The following DGKB variants were observed in gnomAD, a reference collection of about 807,000 sequenced individuals.
The protein encoded by DGKB is diacylglycerol kinase beta.
DGKB carries 67 observed loss-of-function variants against 114.3 expected under a neutral mutation model. The observed-to-expected ratio is 0.59, with a 90% confidence interval of 0.48 to 0.72. The LOEUF (loss-of-function observed/expected upper bound fraction) is 0.72, where lower values mean the gene tolerates loss of function less well. Ranked by LOEUF, DGKB falls within the 30% of genes least tolerant of loss-of-function variation. The pLI is 0.00. For missense variants in DGKB, 907 were observed against 975.2 expected, an observed-to-expected ratio of 0.93 and a Z score of 0.93; for synonymous variants, 398 against 323.1, an observed-to-expected ratio of 1.23 and a Z score of -2.49.
rs552459703 is a variant in DGKB at position 14,690,636 on chromosome 7, G to T, written c.711+3439C>A. 2.7e-4 allele frequency among the ~76,000 whole-genome samples: 41 copies of T among 152,270 alleles called. No homozygotes were observed. The South Asian group carries it at 6.0e-3, about 22-fold the overall frequency. ...TGTGGTTCATTTACATAATTTCTGC[G>T]ATTGCATTTGTGCTGGAACAGCAGA... On this transcript the variant is annotated intron_variant, in intron 9 of 25. Coordinates refer to ENST00000402815, the MANE Select transcript of DGKB (RefSeq NM_001350709.2).
chr7:14,854,038 C>A (rs1849770252), intron 1 of DGKB, among the ~76,000 whole-genome samples: 1 of 152,142 alleles, frequency 6.6e-6, no homozygotes, highest in South Asian at 2.1e-4. Flanking sequence ...CCCTTTATTT[C>A]ATTATCTGCG....
intron 13 of DGKB, among the ~76,000 whole-genome samples, chr7:14,639,713 T>C (rs770273424): frequency 1.3e-5 from 2 of 152,222 alleles, no homozygotes; most frequent in African/African-American, 2.4e-5. Context: ...AGAGCTTGCC[T>C]CTTCCTTTTT....
intron 1 of DGKB, among the ~76,000 whole-genome samples, chr7:14,963,837 T>A (rs114677609): frequency 3.9e-5 from 6 of 152,198 alleles, no homozygotes; most frequent in African/African-American, 1.4e-4. Context: ...ATTAATAAAA[T>A]TGACCACGTT....
intron 20 of DGKB, among the ~76,000 whole-genome samples, chr7:14,512,917 C>T (rs1288576822): frequency 6.6e-6 from 1 of 151,960 alleles, no homozygotes; most frequent in African/African-American, 2.4e-5. Flanking sequence ...TTCTATATTC[C>T]TTCCTTCCTT....
chr7:14,548,228 T>C (rs974770663), intron 20 of DGKB, among the ~76,000 whole-genome samples: 12 of 152,210 alleles, frequency 7.9e-5, no homozygotes, highest in Admixed American at 7.2e-4. Flanking sequence ...TCAATGTATG[T>C]GCAGATTAGG....
At chr7:14,880,131 C>G (rs1434162424) in intron 1 of DGKB, among the ~76,000 whole-genome samples, 1 of 151,978 alleles carries the variant, frequency 6.6e-6, no homozygotes, top group Non-Finnish European at 1.5e-5. Flanking sequence ...GTGGATCCAG[C>G]CAGAGGTAGT....
At chr7:14,343,763 A>G (rs1812009231) in intron 22 of DGKB, among the ~76,000 whole-genome samples, 1 of 151,046 alleles carries the variant, frequency 6.6e-6, no homozygotes. Flanking sequence ...TATATAAAGC[A>G]GTTTTTTTAA....
At chr7:14,674,200 C>T (rs779282207) in intron 12 of DGKB, among the ~76,000 whole-genome samples, 10 of 151,902 alleles carry the variant, frequency 6.6e-5, no homozygotes, top group South Asian at 4.1e-4. Context: ...ATGAAATAAA[C>T]GTATCTTTCC....
At chr7:14,665,233 G>C (rs1014785086) in intron 13 of DGKB, among the ~76,000 whole-genome samples, 24 of 151,898 alleles carry the variant, frequency 1.6e-4, no homozygotes, top group African/African-American at 5.3e-4. Context: ...CTTGGCAAGA[G>C]CATGGATGGA....
chr7:14,341,743 G>A (rs1811636869), intron 22 of DGKB, among the ~76,000 whole-genome samples: 1 of 151,682 alleles, frequency 6.6e-6, no homozygotes, highest in Admixed American at 6.6e-5. Context: ...ATGAGTCCTG[G>A]GTCACACCGT....
In DGKB at chr7:14,656,429, T is replaced by C. The variant is rs114400604; in HGVS notation, c.1134+16500A>G. 8.9e-3 allele frequency among the ~76,000 whole-genome samples: 1,354 copies of C among 151,434 alleles called. 32 individuals are homozygous for C. Among genetic ancestry groups the C allele is most frequent in the African/African-American group, 0.031 (1,282 of 41,396 alleles). On this transcript the variant is annotated intron_variant, in intron 13 of 25. Transcript: ENST00000402815. ...CTAGGTTTGAGGTCAGCGAAGAAAA[T>C]TGACATTTTAAATTAATATAGGAAT...
chr7:14,834,007 C>A (rs1846793728), intron 2 of DGKB, among the ~76,000 whole-genome samples: 1 of 152,090 alleles, frequency 6.6e-6, no homozygotes. Context: ...ATAATGAATA[C>A]AGTTAAGTTC....
chr7:14,653,882 C>A (rs796603636), intron 13 of DGKB, among the ~76,000 whole-genome samples: 1 of 151,982 alleles, frequency 6.6e-6, no homozygotes, highest in Admixed American at 6.6e-5. Context: ...ATTAGATATA[C>A]CCCTACACAA....
rs575089435 is a variant in DGKB, at chr7:14,780,269, T to C, written c.71-22538A>G. Among the ~76,000 whole-genome samples the C allele has an allele frequency of 2.6e-5, 4 of 152,336 alleles. No homozygotes were observed. The South Asian group carries it at 8.3e-4, about 32-fold the overall frequency. On this transcript the variant is annotated intron_variant, in intron 2 of 25. Coordinates refer to ENST00000402815, the MANE Select transcript of DGKB (RefSeq NM_001350709.2). Reference sequence around the variant, plus strand: ...TGGAAAATTCTCCAGCTGACTCTTTTGTGCAGGAAGGATATAAATGTCTTT... The same window carrying C: ...TGGAAAATTCTCCAGCTGACTCTTTCGTGCAGGAAGGATATAAATGTCTTT...
chr7:14,231,784 T>C (rs1791898064), intron 23 of DGKB, among the ~76,000 whole-genome samples: 1 of 151,998 alleles, frequency 6.6e-6, no homozygotes, highest in Non-Finnish European at 1.5e-5. Context: ...TTAAAGATGG[T>C]CATCTTTATT....
At chr7:14,697,683 AAAGG>A (rs747233094) in intron 8 of DGKB, among the ~76,000 whole-genome samples, 1,595 of 147,786 alleles carry the variant, frequency 0.011, 10 homozygotes, top group Non-Finnish European at 0.014. Context: ...AAAGAAAAGA[AAAGG>A]AAGGAAGGAA....
intron 20 of DGKB, among the ~76,000 whole-genome samples, chr7:14,559,060 A>G (rs1481912270): frequency 6.6e-6 from 1 of 152,204 alleles, no homozygotes; most frequent in Non-Finnish European, 1.5e-5. Context: ...GGTGTGTGTG[A>G]AATGTGCTAG....
intron 21 of DGKB, among the ~76,000 whole-genome samples, chr7:14,459,507 C>A (rs537884942): frequency 2.6e-5 from 4 of 151,894 alleles, no homozygotes; most frequent in Non-Finnish European, 5.9e-5. Flanking sequence ...ATATCAGAGA[C>A]TGAAGATCAA....
intron 21 of DGKB, among the ~76,000 whole-genome samples, chr7:14,349,504 T>G (rs978897836): frequency 6.6e-6 from 1 of 152,174 alleles, no homozygotes; most frequent in Non-Finnish European, 1.5e-5. Flanking sequence ...ATCCAAGATA[T>G]GCTCACTTTA....
Sources: allele counts gnomAD v4.1 joint callset (sites outside exome capture counted in the v4.1 genomes callset), GRCh38; gene constraint gnomAD v4.1.1; transcripts MANE v1.5; gene names NCBI Gene and HGNC (gene_info 2026-07-23, HGNC 2026-07-21).